The following ADAMTS6 variants were observed in gnomAD, a reference collection of about 807,000 sequenced individuals.
ADAMTS6 encodes the protein ADAM metallopeptidase with thrombospondin type 1 motif 6.
In ADAMTS6, 23 loss-of-function variants were observed where a neutral mutation model predicts 144.3. The observed-to-expected ratio is 0.16, with a 90% confidence interval of 0.11 to 0.23. The LOEUF (loss-of-function observed/expected upper bound fraction) is 0.23, where lower values mean the gene tolerates loss of function less well. ADAMTS6 is among the 10% of genes least tolerant of loss of function. The pLI is 1.00. For synonymous variants in ADAMTS6, 444 were observed against 457.5 expected, an observed-to-expected ratio of 0.97 and a Z score of 0.38; for missense variants, 999 against 1,379.6, an observed-to-expected ratio of 0.72 and a Z score of 4.37.
intron 9 of ADAMTS6, among the ~76,000 whole-genome samples, chr5:65,305,189 T>G (rs1473034408): frequency 6.6e-6 from 1 of 152,208 alleles, no homozygotes; most frequent in Non-Finnish European, 1.5e-5. Context: ...TGCAAAATCT[T>G]TACTATTTTT....
chr5:65,446,090 TA>T (rs1329360124), intron 7 of ADAMTS6, among the ~76,000 whole-genome samples: 1 of 152,156 alleles, frequency 6.6e-6, no homozygotes, highest in Non-Finnish European at 1.5e-5. Flanking sequence ...GCTAGTGAAA[TA>T]AAATATTTAA....
rs1441685507 is a variant in ADAMTS6 at position 65,248,585 on chromosome 5, G to A, written c.1831-6379C>T. 2.0e-5 allele frequency among the ~76,000 whole-genome samples: 3 copies of A among 152,018 alleles called. No individual in the cohort carries two copies. The South Asian group carries it at 6.2e-4, about 32-fold the overall frequency. On this transcript the variant is annotated intron_variant, in intron 14 of 24. Transcript: ENST00000381055. ...GAAGCCAAGGCAGGGTGGATCGCTC[G>A]AGTTCAGGAGTTTGAGACCAGCCTG...
At chr5:65,411,038 A>C (rs1475784070) in intron 7 of ADAMTS6, among the ~76,000 whole-genome samples, 1 of 152,014 alleles carries the variant, frequency 6.6e-6, no homozygotes, top group African/African-American at 2.4e-5. Flanking sequence ...GGGTCTTGCC[A>C]TGTTTCCCAG....
At chr5:65,247,016 T>C (rs1418250733) in intron 14 of ADAMTS6, among the ~76,000 whole-genome samples, 1 of 152,156 alleles carries the variant, frequency 6.6e-6, no homozygotes, top group East Asian at 1.9e-4. Flanking sequence ...ATGCTGACAC[T>C]ATGCAGAAAC....
At chr5:65,291,496 A>T in intron 10 of ADAMTS6, 26 bp from the exon 11 acceptor site, 8 of 1,580,242 alleles carry the variant, frequency 5.1e-6, no homozygotes, top group Non-Finnish European at 6.9e-6. Flanking sequence ...GATCAAAGGA[A>T]ATTAGGTATT....
rs2150230209 is a variant in ADAMTS6 at position 65,439,697 on chromosome 5, A to C, written c.1073+11778T>G. Among the ~76,000 whole-genome samples, 7 of 152,322 alleles carry C rather than the reference A, an allele frequency of 4.6e-5. 1 individual carries two copies. In the South Asian group the frequency reaches 1.4e-3, roughly 32 times the overall value. On this transcript the variant is annotated intron_variant, in intron 7 of 24. Transcript: ENST00000381055. ...TAGCTATAAAGAATATTATTAAGAC[A>C]ACTGATAAAATTTGAGTATGAACTG... is the stretch of plus-strand genomic sequence containing the variant.
intron 7 of ADAMTS6, among the ~76,000 whole-genome samples, chr5:65,339,876 G>C (rs1356576071): frequency 1.3e-5 from 2 of 151,970 alleles, no homozygotes; most frequent in Non-Finnish European, 2.9e-5. Context: ...ACACTAATAA[G>C]TTAACAAAAG....
At chr5:65,207,829 G>A (rs866924679) in intron 20 of ADAMTS6, among the ~76,000 whole-genome samples, 3 of 152,164 alleles carry the variant, frequency 2.0e-5, no homozygotes, top group South Asian at 2.1e-4. Context: ...TTGAATACCC[G>A]ACCATCTACT....
chr5:65,411,185 T>C (rs535191837), intron 7 of ADAMTS6, among the ~76,000 whole-genome samples: 71 of 152,290 alleles, frequency 4.7e-4, no homozygotes, highest in Non-Finnish European at 8.5e-4. Flanking sequence ...GTATATATCA[T>C]ATTTTTAAAA....
chr5:65,427,957 G>A (rs912609825), intron 7 of ADAMTS6, among the ~76,000 whole-genome samples: 5 of 151,480 alleles, frequency 3.3e-5, no homozygotes, highest in Non-Finnish European at 5.9e-5. Flanking sequence ...GGCCAGGCAC[G>A]GCTCACACCT....
At position 65,262,805 on chromosome 5, in the gene ADAMTS6, T is replaced by G. The variant is rs751617302; in HGVS notation, c.1766+12A>C. The G allele has an allele frequency of 1.3e-6, 2 of 1,492,438 alleles. No individual in the cohort carries two copies. Among genetic ancestry groups the G allele is most frequent in the East Asian group, 2.5e-5 (1 of 40,418 alleles). The allele number at this position is 1,492,438 out of a possible 1,614,324, so 92.4% of individuals were successfully genotyped here. A position where few individuals can be genotyped will look rare whatever the true frequency, so the allele number is the denominator to read the frequency against. Reference sequence around the variant, plus strand: ...GTCTTTTTGTTGGCTCCGGCTTACTTTAGCTACTTACGCTGGACTGTCACA... The same window carrying G: ...GTCTTTTTGTTGGCTCCGGCTTACTGTAGCTACTTACGCTGGACTGTCACA... On this transcript the variant is annotated intron_variant, in intron 13 of 24. Coordinates refer to ENST00000381055, the MANE Select transcript of ADAMTS6 (RefSeq NM_197941.4).
At chr5:65,428,069 T>C (rs1274090117) in intron 7 of ADAMTS6, among the ~76,000 whole-genome samples, 1 of 151,192 alleles carries the variant, frequency 6.6e-6, no homozygotes, top group Non-Finnish European at 1.5e-5. Context: ...CTACTAAAAA[T>C]ACAAAAATTA....
At chr5:65,461,151 T>C (rs1759615770) in intron 3 of ADAMTS6, among the ~76,000 whole-genome samples, 1 of 152,204 alleles carries the variant, frequency 6.6e-6, no homozygotes, top group Admixed American at 6.5e-5. Flanking sequence ...GCTACTCAGT[T>C]ATCTCTCCTC....
At chr5:65,436,633 C>T (rs1022866821) in intron 7 of ADAMTS6, among the ~76,000 whole-genome samples, 6 of 151,912 alleles carry the variant, frequency 3.9e-5, no homozygotes, top group African/African-American at 1.5e-4. Context: ...GTCAGGAGTT[C>T]GAGGCCAGCC....
intron 7 of ADAMTS6, among the ~76,000 whole-genome samples, chr5:65,446,750 A>G (rs1411111556): frequency 6.6e-6 from 1 of 152,224 alleles, no homozygotes; most frequent in Non-Finnish European, 1.5e-5. Flanking sequence ...GGTCTAGAGT[A>G]GGTAAATCTA....
intron 11 of ADAMTS6, among the ~76,000 whole-genome samples, chr5:65,275,411 G>GAA (rs1404185138): frequency 7.9e-6 from 1 of 125,862 alleles, no homozygotes; most frequent in African/African-American, 3.1e-5. Context: ...AAGAAAGAAA[G>GAA]AAAGAAAAGA....
At chr5:65,444,869 G>A (rs1401878335) in intron 7 of ADAMTS6, among the ~76,000 whole-genome samples, 1 of 152,068 alleles carries the variant, frequency 6.6e-6, no homozygotes, top group Non-Finnish European at 1.5e-5. Flanking sequence ...ATTACTGTGT[G>A]ACCTTGCCAA....
chr5:65,344,519 C>T lies in ADAMTS6; in HGVS notation c.1074-10434G>A, dbSNP rs79839977. Among the ~76,000 whole-genome samples the T allele has an allele frequency of 8.7e-3, 1,323 of 151,716 alleles. 18 individuals are homozygous for T. Among genetic ancestry groups the T allele is most frequent in the African/African-American group, 0.03 (1,246 of 41,444 alleles). ...TTTTAATGGCTTTATCATATTTTAC[C>T]GTATGGATGTAGAAAAGTGTAATTG... On this transcript the variant is annotated intron_variant, in intron 7 of 24. Coordinates refer to ENST00000381055, the MANE Select transcript of ADAMTS6 (RefSeq NM_197941.4).
At chr5:65,405,467 A>T (rs1754369308) in intron 7 of ADAMTS6, among the ~76,000 whole-genome samples, 1 of 152,056 alleles carries the variant, frequency 6.6e-6, no homozygotes, top group Admixed American at 6.6e-5. Context: ...GATGTGTGGT[A>T]TTATTTCTAA....
Sources: allele counts gnomAD v4.1 joint callset (sites outside exome capture counted in the v4.1 genomes callset), GRCh38; gene constraint gnomAD v4.1.1; transcripts MANE v1.5; gene names NCBI Gene and HGNC (gene_info 2026-07-23, HGNC 2026-07-21).